Variants in HDAC11 observed in about 807,000 individuals in gnomAD.
HDAC11 encodes histone deacetylase 11.
In HDAC11, 23 loss-of-function variants were observed where a neutral mutation model predicts 41.1. The ratio of observed to expected loss-of-function variants is 0.56; its 90% confidence interval spans 0.40 to 0.79. HDAC11 has a LOEUF of 0.79. Among genes scored for constraint, HDAC11 ranks in the 30% least tolerant of loss-of-function variants. The pLI is 0.00. For missense variants in HDAC11, 402 were observed against 477.3 expected, an observed-to-expected ratio of 0.84 and a Z score of 1.47; for synonymous variants, 187 against 186.6, an observed-to-expected ratio of 1.00 and a Z score of -0.02.
rs879233448 is a variant in HDAC11, at chr3:13,481,074, G to A, written c.3-172G>A. The A allele has an allele frequency of 7.5e-6, 5 of 666,346 alleles. No individual in the cohort carries two copies. In the African/African-American group the frequency reaches 9.1e-5, roughly 12 times the overall value. 41.3% of individuals were successfully genotyped at this position (666,346 alleles called of 1,614,324 possible). On this transcript the variant is annotated intron_variant, in intron 1 of 9. Transcript: ENST00000295757. ...GCTGTGAGGACTGGATTGGAATTGG[G>A]TTCCGGGAAAGGCAGCCAGTTTAAG...
Position 13,502,836 on chromosome 3 carries a change from C to G in HDAC11, c.553-48C>G. On this transcript the variant is annotated intron_variant, in intron 7 of 9. Coordinates refer to ENST00000295757, the MANE Select transcript of HDAC11 (RefSeq NM_024827.4). This position sits in a 1 kb window ranked among gnomAD's most constrained non-coding sequence, Gnocchi z 4.1. The stretch of plus-strand genomic sequence containing the variant: ...GGTGGGTGGGTGGCAGAGCCCCAGC[C>G]TTGCCTAGGGCACCTACCCGAGAGC... The G allele has an allele frequency of 6.6e-7, 1 of 1,509,770 alleles. No individual in the cohort carries two copies. Among genetic ancestry groups the G allele is most frequent in the Non-Finnish European group, 9.2e-7 (1 of 1,088,372 alleles). The allele number at this position is 1,509,770 out of a possible 1,614,324, so 93.5% of individuals were successfully genotyped here. A position where few individuals can be genotyped will look rare whatever the true frequency, so the allele number is the denominator to read the frequency against.
intron 3 of HDAC11, among the ~76,000 whole-genome samples, chr3:13,492,191 A>T (rs148222289): frequency 1.8e-4 from 27 of 152,302 alleles, no homozygotes; most frequent in African/African-American, 6.3e-4. Context: ...CTGGGGCGTG[A>T]ATGTCACCAC....
At position 13,488,458 on chromosome 3, in the gene HDAC11, C is replaced by A. The variant is rs529762072; in HGVS notation, c.252+4894C>A. Reference sequence around the variant, plus strand: ...CCAAGTCCCCTTGGTAATCACTCACCTGCATTCTCTCTCTATGGATTTGCC... The same window carrying A: ...CCAAGTCCCCTTGGTAATCACTCACATGCATTCTCTCTCTATGGATTTGCC... On this transcript the variant is annotated intron_variant, in intron 3 of 9. Transcript: ENST00000295757. Among the ~76,000 whole-genome samples, 52 of 152,198 alleles carry A rather than the reference C, an allele frequency of 3.4e-4. 1 individual carries two copies. Among genetic ancestry groups the A allele is most frequent in the Middle Eastern group, 3.4e-3 (1 of 294 alleles).
At position 13,480,408 on chromosome 3, in the gene HDAC11, G is replaced by T; in HGVS notation, c.2+59G>T. 9.2e-7 allele frequency: 1 copy of T among 1,084,364 alleles called. No individual in the cohort carries two copies. Among genetic ancestry groups the T allele is most frequent in the Non-Finnish European group, 1.2e-6 (1 of 862,618 alleles). The allele number at this position is 1,084,364 out of a possible 1,614,324, so 67.2% of individuals were successfully genotyped here. On this transcript the variant is annotated intron_variant, in intron 1 of 9. Coordinates refer to ENST00000295757, the MANE Select transcript of HDAC11 (RefSeq NM_024827.4). The surrounding 1 kb of genome is among the most constrained non-coding windows in gnomAD (Gnocchi z 4.6). ...CCCAGGGGTCCCGGTGGGCGGGCGC[G>T]CTAGGGCGAGGGCGGGGACGGCCGG...
At chr3:13,501,620 G>T (rs1234594629) in intron 6 of HDAC11, 2 of 695,928 alleles carry the variant, frequency 2.9e-6, no homozygotes, top group African/African-American at 3.5e-5. Flanking sequence ...CCTGACCTAT[G>T]ACCCTTCAGG....
intron 3 of HDAC11, among the ~76,000 whole-genome samples, chr3:13,491,103 TG>T (rs1701840766): frequency 6.7e-6 from 1 of 150,308 alleles, no homozygotes; most frequent in Non-Finnish European, 1.5e-5. Flanking sequence ...TGTGTGTGTG[TG>T]TGTGTGTGTA....
intron 3 of HDAC11, among the ~76,000 whole-genome samples, chr3:13,490,770 T>TA (rs1701823238): frequency 2.0e-5 from 2 of 99,622 alleles, no homozygotes; most frequent in Admixed American, 1.1e-4. Context: ...TTTTTTTTTT[T>TA]AGACAGAGTC....
rs114034727 is a variant in HDAC11 at position 13,492,836 on chromosome 3, G to A, written c.253-3900G>A. Among the ~76,000 whole-genome samples, 521 of 152,314 alleles carry A rather than the reference G, an allele frequency of 3.4e-3. 2 individuals are homozygous for A. The highest frequency in any genetic ancestry group is 0.011 in the African/African-American group (452 of 41,574). On this transcript the variant is annotated intron_variant, in intron 3 of 9. Transcript: ENST00000295757. ...TGGGATTACAGATGTAAGCCACCAA[G>A]CCTGGCTGGGTGTGGGGATTTTAGA...
At chr3:13,491,069 TGTGTG>T (rs1293559542) in intron 3 of HDAC11, among the ~76,000 whole-genome samples, 8 of 10,218 alleles carry the variant, frequency 7.8e-4, no homozygotes, top group East Asian at 0.016. Flanking sequence ...CTTTAATAGT[TGTGTG>T]TGTGTGTGTG....
chr3:13,495,798 G>A (rs1192352171), intron 3 of HDAC11, among the ~76,000 whole-genome samples: 5 of 152,092 alleles, frequency 3.3e-5, no homozygotes, highest in Admixed American at 1.3e-4. Flanking sequence ...TCTGCATCTG[G>A]ATAACTCCTA....
At chr3:13,486,033 C>G (rs905118404) in intron 3 of HDAC11, among the ~76,000 whole-genome samples, 2 of 151,918 alleles carry the variant, frequency 1.3e-5, no homozygotes, top group Non-Finnish European at 2.9e-5. Context: ...TTTGGGAGAA[C>G]GAGGCGGGCG....
intron 2 of HDAC11, 24 bp from the exon 3 acceptor site, chr3:13,483,440 A>G (rs1701413264): frequency 2.5e-6 from 4 of 1,604,364 alleles, no homozygotes; most frequent in Non-Finnish European, 3.4e-6. Context: ...GTGGGGAAGC[A>G]GGATGCTCCC....
chr3:13,502,481 T>G lies in HDAC11; in HGVS notation c.553-403T>G, dbSNP rs976041945. 9.6e-6 allele frequency: 2 copies of G among 207,664 alleles called. No individual in the cohort carries two copies. The highest frequency in any genetic ancestry group is 2.0e-5 in the Non-Finnish European group (2 of 102,286). The allele number at this position is 207,664 out of a possible 1,614,324, so 12.9% of individuals were successfully genotyped here. ...CTCCGGAAGGCACCCCCCTGCACCA[T>G]TACTGCTGTGGCTTTGTGCTAGTTG... On this transcript the variant is annotated intron_variant, in intron 7 of 9. Coordinates refer to ENST00000295757, the MANE Select transcript of HDAC11 (RefSeq NM_024827.4). This position sits in a 1 kb window ranked among gnomAD's most constrained non-coding sequence, Gnocchi z 4.1.
chr3:13,490,323 G>A (rs528730991), intron 3 of HDAC11, among the ~76,000 whole-genome samples: 2 of 152,210 alleles, frequency 1.3e-5, no homozygotes, highest in African/African-American at 4.8e-5. Context: ...CGTTTTGGCT[G>A]TTTGAGGTCC....
intron 3 of HDAC11, among the ~76,000 whole-genome samples, chr3:13,489,197 T>C (rs766937775): frequency 1.5e-4 from 23 of 152,250 alleles, no homozygotes; most frequent in Non-Finnish European, 3.1e-4. Flanking sequence ...GTCTTTTTTT[T>C]GATAGTGTCC....
chr3:13,484,234 G>A (rs973233349), intron 3 of HDAC11, among the ~76,000 whole-genome samples: 3 of 152,160 alleles, frequency 2.0e-5, no homozygotes, highest in Non-Finnish European at 4.4e-5. Context: ...AAAGTGCTGG[G>A]GTTACAGGCG....
rs185413183 is a variant in HDAC11 at position 13,499,845 on chromosome 3, G to A, written c.413-868G>A. On this transcript the variant is annotated intron_variant, in intron 5 of 9. Transcript: ENST00000295757. ...TGGCAGGTGTTACTGCCTGGTAGAG[G>A]TTAAGAGCCTGGATCCTGATCCACC... Among the ~76,000 whole-genome samples the A allele has an allele frequency of 3.5e-3, 530 of 152,310 alleles. 2 individuals carry two copies. The highest frequency in any genetic ancestry group is 0.01 in the Middle Eastern group (3 of 294).
chr3:13,493,932 T>C (rs1701975639), intron 3 of HDAC11, among the ~76,000 whole-genome samples: 1 of 152,318 alleles, frequency 6.6e-6, no homozygotes, highest in East Asian at 1.9e-4. Context: ...AGAAGGTTAG[T>C]GTGTGTGACT....
At chr3:13,483,697 G>A in intron 3 of HDAC11, 133 bp downstream of exon 3, 1 of 678,942 alleles carries the variant, frequency 1.5e-6, no homozygotes. Context: ...CCCTAGTGTT[G>A]GAGGAACATG....
Sources: gnomAD v4.1 joint callset for allele counts (sites outside exome capture counted in the v4.1 genomes callset) on GRCh38, gnomAD v4.1.1 for gene constraint, Gnocchi (gnomAD v3.1) non-coding constraint, MANE v1.5 for transcripts, NCBI Gene and HGNC (gene_info 2026-07-23, HGNC 2026-07-21) for gene names.